Variants in KCNG2 observed in about 807,000 individuals in gnomAD.
The protein encoded by KCNG2 is potassium voltage-gated channel modifier subfamily G member 2.
Under a neutral mutation model 12.3 loss-of-function variants are expected in KCNG2, and 7 were observed. The observed-to-expected ratio is 0.57, with a 90% CI of 0.32 to 1.07. The LOEUF (loss-of-function observed/expected upper bound fraction) is 1.07. Among genes scored for constraint, KCNG2 ranks in the 50% least tolerant of loss-of-function variants. The pLI, the probability that KCNG2 is intolerant of heterozygous loss-of-function variation, is 0.04. For missense variants in KCNG2, 703 were observed against 726.0 expected, an observed-to-expected ratio of 0.97 and a Z score of 0.36; for synonymous variants, 414 against 351.4, an observed-to-expected ratio of 1.18 and a Z score of -1.99.
chr18:79,828,326 A>C (rs565432923), intron 1 of KCNG2, among the ~76,000 whole-genome samples: 1 of 152,188 alleles, frequency 6.6e-6, no homozygotes, highest in African/African-American at 2.4e-5. Flanking sequence ...GCGTCATTGC[A>C]TGTCTGCCTG....
At chr18:79,860,554 A>AT (rs1174386903) in intron 2 of KCNG2, among the ~76,000 whole-genome samples, 1 of 152,086 alleles carries the variant, frequency 6.6e-6, no homozygotes, top group African/African-American at 2.4e-5. Flanking sequence ...TATAAATGGA[A>AT]TTTTTTTAAC....
At chr18:79,807,384 T>C (rs1016956298) in intron 1 of KCNG2, among the ~76,000 whole-genome samples, 1 of 152,172 alleles carries the variant, frequency 6.6e-6, no homozygotes, top group East Asian at 1.9e-4. Flanking sequence ...ATGATGAGCC[T>C]TTCTGCTCTA....
chr18:79,822,907 C>T lies in KCNG2; in HGVS notation c.-115+24893C>T, dbSNP rs953691326. On this transcript the variant is annotated intron_variant, in intron 1 of 3. Transcript: ENST00000316249. The surrounding 1 kb of genome is among the most constrained non-coding windows in gnomAD (Gnocchi z 4.4). ...GTGAGGCACCTGGGCTTATCGTGGG[C>T]GTTGGTGTTGCGTGTGGGTGTGGCT... Among the ~76,000 whole-genome samples the T allele has an allele frequency of 1.1e-4, 16 of 152,204 alleles. 1 individual carries two copies. Among genetic ancestry groups the T allele is most frequent in the South Asian group, 4.1e-4 (2 of 4,830 alleles).
rs2087580571 is a variant in KCNG2, at chr18:79,822,669, G to C, written c.-115+24655G>C. ...AGGTCTTGAACTCCTGACCTCAAGG[G>C]ATCCACCCACCCCGGCCTCCAAAGT... On this transcript the variant is annotated intron_variant, in intron 1 of 3. Transcript: ENST00000316249. This position sits in a 1 kb window ranked among gnomAD's most constrained non-coding sequence, Gnocchi z 4.4. Among the ~76,000 whole-genome samples, 2 of 152,136 alleles carry C rather than the reference G, an allele frequency of 1.3e-5. No homozygotes were observed.
At chr18:79,825,299 T>C (rs2087605101) in intron 1 of KCNG2, among the ~76,000 whole-genome samples, 1 of 152,210 alleles carries the variant, frequency 6.6e-6, no homozygotes, top group African/African-American at 2.4e-5. Flanking sequence ...TTCTTGAATA[T>C]AATAATGTGG....
chr18:79,877,134 A>C (rs1347889284), intron 3 of KCNG2, among the ~76,000 whole-genome samples: 2 of 152,270 alleles, frequency 1.3e-5, no homozygotes, highest in Non-Finnish European at 2.9e-5. Flanking sequence ...TTGACGCAAG[A>C]GGCCTTTTCT....
At chr18:79,873,740 G>A (rs528253289) in intron 3 of KCNG2, among the ~76,000 whole-genome samples, 78 of 152,328 alleles carry the variant, frequency 5.1e-4, no homozygotes, top group African/African-American at 1.8e-3. Flanking sequence ...GGGAGGCCAT[G>A]GAGCGGCCGC....
At chr18:79,836,373 C>A (rs1178267251) in intron 1 of KCNG2, among the ~76,000 whole-genome samples, 1 of 152,096 alleles carries the variant, frequency 6.6e-6, no homozygotes, top group Non-Finnish European at 1.5e-5. Context: ...ATATGTGAAC[C>A]AAAGGATGAC....
intron 1 of KCNG2, among the ~76,000 whole-genome samples, chr18:79,851,558 G>A (rs1978816706): frequency 6.6e-6 from 1 of 152,222 alleles, no homozygotes; most frequent in African/African-American, 2.4e-5. Context: ...TGATCTCAAG[G>A]AAGTGACCTG....
intron 1 of KCNG2, among the ~76,000 whole-genome samples, chr18:79,816,768 G>A (rs1022466729): frequency 9.2e-5 from 14 of 152,202 alleles, no homozygotes; most frequent in Non-Finnish European, 1.8e-4. Context: ...GTGACACCAC[G>A]GTGCAGTGTG....
intron 1 of KCNG2, among the ~76,000 whole-genome samples, chr18:79,799,417 C>T (rs1310978748): frequency 6.6e-6 from 1 of 152,104 alleles, no homozygotes; most frequent in African/African-American, 2.4e-5. Flanking sequence ...TTAGGAATTC[C>T]TAGTTAGAGG....
chr18:79,868,895 T>C (rs571504494), intron 3 of KCNG2, among the ~76,000 whole-genome samples: 23 of 152,324 alleles, frequency 1.5e-4, no homozygotes, highest in African/African-American at 5.5e-4. Context: ...GTGCGAGCGC[T>C]TCAGTGCTGT....
chr18:79,833,585 A>G (rs1269494375), intron 1 of KCNG2, among the ~76,000 whole-genome samples: 1 of 152,272 alleles, frequency 6.6e-6, no homozygotes, highest in East Asian at 1.9e-4. Context: ...AAAACCTGCA[A>G]GTTTATAGAA....
At chr18:79,813,546 G>A (rs2087507478) in intron 1 of KCNG2, among the ~76,000 whole-genome samples, 2 of 152,204 alleles carry the variant, frequency 1.3e-5, no homozygotes, top group African/African-American at 2.4e-5. Context: ...CATGGGTGGG[G>A]TAGCGTGGAG....
chr18:79,817,378 C>T (rs947615319), intron 1 of KCNG2, among the ~76,000 whole-genome samples: 19 of 152,108 alleles, frequency 1.2e-4, no homozygotes, highest in Admixed American at 5.2e-4. Context: ...GTTGTCATGC[C>T]TGGCTGTCAC....
rs1009239538 is a variant in KCNG2, at chr18:79,842,825, G to A, written c.-114-13554G>A. ...TGTAGTTATTCAATCAGAAGAGCAA[G>A]AAAAGTGTGAAGAAATCCTAGAGAC... is the stretch of plus-strand genomic sequence containing the variant. On this transcript the variant is annotated intron_variant, in intron 1 of 3. Coordinates refer to ENST00000316249, the MANE Select transcript of KCNG2 (RefSeq NM_012283.2). 1.1e-4 allele frequency among the ~76,000 whole-genome samples: 17 copies of A among 152,088 alleles called. 1 individual carries two copies. Among genetic ancestry groups the A allele is most frequent in the Non-Finnish European group, 1.6e-4 (11 of 67,998 alleles).
At chr18:79,841,142 A>G (rs550713351) in intron 1 of KCNG2, among the ~76,000 whole-genome samples, 1 of 152,166 alleles carries the variant, frequency 6.6e-6, no homozygotes, top group Non-Finnish European at 1.5e-5. Context: ...ATGGTGGTGC[A>G]CACCTGTAGT....
chr18:79,847,549 A>G (rs1018341464), intron 1 of KCNG2, among the ~76,000 whole-genome samples: 1 of 152,212 alleles, frequency 6.6e-6, no homozygotes, highest in African/African-American at 2.4e-5. Flanking sequence ...TAACAGCCCC[A>G]CTAACTGCAA....
chr18:79,859,699 T>C (rs62096748), intron 2 of KCNG2, among the ~76,000 whole-genome samples: 16,114 of 152,288 alleles, frequency 0.11, 994 homozygotes, highest in Middle Eastern at 0.17. Flanking sequence ...TTTTTTTACA[T>C]GTGGATAACC....
Sources: gnomAD v4.1 joint callset for allele counts (sites outside exome capture counted in the v4.1 genomes callset) on GRCh38, gnomAD v4.1.1 for gene constraint, Gnocchi (gnomAD v3.1) non-coding constraint, MANE v1.5 for transcripts, NCBI Gene and HGNC (gene_info 2026-07-23, HGNC 2026-07-21) for gene names.